FGD5: variants seen among roughly 807,000 people sequenced by gnomAD.
FGD5 encodes FYVE, RhoGEF and PH domain containing 5.
In FGD5, 28 loss-of-function variants were observed where a neutral mutation model predicts 133.4. That is an observed-to-expected ratio of 0.21 (90% CI 0.16 to 0.29). The LOEUF (loss-of-function observed/expected upper bound fraction) is 0.29. FGD5 is among the 10% of genes least tolerant of loss of function. The pLI, the probability that FGD5 is intolerant of heterozygous loss-of-function variation, is 1.00. For synonymous variants in FGD5, 810 were observed against 776.5 expected (o/e 1.04, Z -0.72); for missense variants, 1,858 against 1,895.2 (o/e 0.98, Z 0.36).
rs139468957 is a variant in FGD5, at chr3:14,836,981, A to G, written c.2525+15385A>G. 3.0e-3 allele frequency among the ~76,000 whole-genome samples: 454 copies of G among 152,348 alleles called. 3 individuals are homozygous for G. Among genetic ancestry groups the G allele is most frequent in the African/African-American group, 0.01 (426 of 41,576 alleles). On this transcript the variant is annotated intron_variant, in intron 1 of 19. Transcript: ENST00000285046. ...AAGGGACAGTGGGGACCACATGCAC[A>G]GAAGCACCCGGGTATAAGGGACCTA...
chr3:14,929,096 T>A (rs2038862573), intron 18 of FGD5, among the ~76,000 whole-genome samples: 1 of 152,224 alleles, frequency 6.6e-6, no homozygotes, highest in Non-Finnish European at 1.5e-5. Flanking sequence ...CTCTTGATCC[T>A]CAAACAGATG....
At chr3:14,915,443 C>T (rs1005253474) in intron 11 of FGD5, among the ~76,000 whole-genome samples, 6 of 152,262 alleles carry the variant, frequency 3.9e-5, no homozygotes, top group African/African-American at 1.4e-4. Flanking sequence ...TTCATGTCAG[C>T]ATCATGTGTA....
Position 14,933,077 on chromosome 3 carries a change from C to G in FGD5, c.4353-54C>G, listed in dbSNP as rs2038925328. The G allele has an allele frequency of 3.1e-5, 50 of 1,594,282 alleles. 2 individuals carry two copies. In the South Asian group the frequency reaches 5.5e-4, roughly 18 times the overall value. ...TCCAGTCTTTTCTAGGTTCTGTGACCAGAGTCATAGGCAGAGCCGCAAAAC... is the reference window on the plus strand; with the variant it reads ...TCCAGTCTTTTCTAGGTTCTGTGACGAGAGTCATAGGCAGAGCCGCAAAAC... On this transcript the variant is annotated intron_variant, in intron 19 of 19. Coordinates refer to ENST00000285046, the MANE Select transcript of FGD5 (RefSeq NM_152536.4).
Position 14,922,110 on chromosome 3 carries a change from C to G in FGD5, c.3669+93C>G, listed in dbSNP as rs892144980. 1.1e-5 allele frequency: 14 copies of G among 1,300,352 alleles called. No individual in the cohort carries two copies. The East Asian group carries it at 3.5e-4, about 33-fold the overall frequency. The allele number at this position is 1,300,352 out of a possible 1,614,324, so 80.6% of individuals were successfully genotyped here. ...CTGTTGCCACTCACACCCAGATGGA[C>G]GTGTAGCTCCTGTCTTGGGGCACTG... On this transcript the variant is annotated intron_variant, in intron 14 of 19. Transcript: ENST00000285046. This position sits in a 1 kb window ranked among gnomAD's most constrained non-coding sequence, Gnocchi z 4.1.
intron 2 of FGD5, among the ~76,000 whole-genome samples, chr3:14,871,691 G>A (rs572983165): frequency 7.9e-5 from 12 of 152,322 alleles, no homozygotes; most frequent in African/African-American, 2.6e-4. Context: ...GCCTTGCTGA[G>A]GTCCTTGGGG....
intron 10 of FGD5, among the ~76,000 whole-genome samples, chr3:14,909,092 C>T (rs2038398282): frequency 6.6e-6 from 1 of 151,750 alleles, no homozygotes; most frequent in African/African-American, 2.4e-5. Context: ...CCTCAGCCTC[C>T]CGAATAGCTG....
At chr3:14,905,307 T>C (rs1313032401) in intron 9 of FGD5, among the ~76,000 whole-genome samples, 3 of 152,100 alleles carry the variant, frequency 2.0e-5, no homozygotes, top group Admixed American at 2.0e-4. Flanking sequence ...TAAGATCTTC[T>C]CTTTTGATTT....
At chr3:14,858,793 T>G (rs1378968736) in intron 1 of FGD5, among the ~76,000 whole-genome samples, 1 of 152,206 alleles carries the variant, frequency 6.6e-6, no homozygotes, top group Non-Finnish European at 1.5e-5. Flanking sequence ...GAAGACGTGG[T>G]TACTTGCCCA....
At chr3:14,867,840 T>A (rs2037526902) in intron 2 of FGD5, among the ~76,000 whole-genome samples, 1 of 152,152 alleles carries the variant, frequency 6.6e-6, no homozygotes, top group Admixed American at 6.5e-5. Context: ...GGAGCAAGAT[T>A]TTCTGTCTCC....
intron 1 of FGD5, among the ~76,000 whole-genome samples, chr3:14,825,598 GTCA>G (rs2036585292): frequency 6.6e-6 from 1 of 152,126 alleles, no homozygotes; most frequent in Non-Finnish European, 1.5e-5. Flanking sequence ...GCATTGAGCT[GTCA>G]TCATGCCACT....
chr3:14,876,668 G>C (rs1288491799), intron 2 of FGD5, among the ~76,000 whole-genome samples: 1 of 152,148 alleles, frequency 6.6e-6, no homozygotes, highest in Non-Finnish European at 1.5e-5. Context: ...TTCCCCACTC[G>C]GTTGGTTGGA....
At chr3:14,892,819 C>CA (rs11297152) in intron 4 of FGD5, among the ~76,000 whole-genome samples, 2,774 of 146,888 alleles carry the variant, frequency 0.019, 46 homozygotes, top group Non-Finnish European at 0.031. Flanking sequence ...AAATCCATCT[C>CA]AAAAAAAAAA....
chr3:14,812,030 GTATGTA>G (rs1204069426), intron 1 of FGD5, among the ~76,000 whole-genome samples: 3 of 98,630 alleles, frequency 3.0e-5, no homozygotes, highest in African/African-American at 9.7e-5. Flanking sequence ...GTGTGTGTGT[GTATGTA>G]TGTGTGTGTG....
intron 1 of FGD5, among the ~76,000 whole-genome samples, chr3:14,828,077 A>T (rs2036636540): frequency 6.6e-6 from 1 of 152,046 alleles, no homozygotes; most frequent in Non-Finnish European, 1.5e-5. Flanking sequence ...CTAACTGGTG[A>T]TGGTTGTTTG....
At chr3:14,829,127 A>G (rs1404315954) in intron 1 of FGD5, among the ~76,000 whole-genome samples, 1 of 152,018 alleles carries the variant, frequency 6.6e-6, no homozygotes, top group Non-Finnish European at 1.5e-5. Flanking sequence ...GGAGTTCATG[A>G]TGGAGACAGT....
intron 2 of FGD5, among the ~76,000 whole-genome samples, chr3:14,871,375 G>A (rs2037602940): frequency 6.6e-6 from 1 of 152,186 alleles, no homozygotes; most frequent in South Asian, 2.1e-4. Context: ...ATTTACATAA[G>A]AAAAACAAAC....
intron 1 of FGD5, among the ~76,000 whole-genome samples, chr3:14,854,771 C>T (rs2037243765): frequency 6.6e-6 from 1 of 152,014 alleles, no homozygotes; most frequent in Admixed American, 6.6e-5. Context: ...TCATTAGGTC[C>T]ATAGTGATGT....
At chr3:14,881,167 G>T (rs1032221787) in intron 4 of FGD5, among the ~76,000 whole-genome samples, 1 of 152,142 alleles carries the variant, frequency 6.6e-6, no homozygotes, top group Non-Finnish European at 1.5e-5. Flanking sequence ...GAAGGTGTCT[G>T]CCTGGTGACA....
intron 2 of FGD5, among the ~76,000 whole-genome samples, chr3:14,864,845 T>C (rs992233443): frequency 2.0e-5 from 3 of 152,114 alleles, no homozygotes; most frequent in African/African-American, 7.2e-5. Context: ...GGGGATAATA[T>C]ACACTCTCTA....
Sources: gnomAD v4.1 joint callset for allele counts (sites outside exome capture counted in the v4.1 genomes callset) on GRCh38, gnomAD v4.1.1 for gene constraint, Gnocchi (gnomAD v3.1) non-coding constraint, MANE v1.5 for transcripts, NCBI Gene and HGNC (gene_info 2026-07-23, HGNC 2026-07-21) for gene names.